The following SGCZ variants were observed in gnomAD, a reference collection of about 807,000 sequenced individuals.
SGCZ encodes zeta-sarcoglycan.
SGCZ carries 40 observed loss-of-function variants against 41.3 expected under a neutral mutation model. That is an observed-to-expected ratio of 0.97 (90% CI 0.75 to 1.26). SGCZ has a LOEUF of 1.26. Ranked by LOEUF, SGCZ falls within the 50% of genes most tolerant of loss-of-function variation. The pLI, the probability that SGCZ is intolerant of heterozygous loss-of-function variation, is 0.00. For missense variants in SGCZ, 552 were observed against 369.8 expected, an observed-to-expected ratio of 1.49 and a Z score of -4.04; for synonymous variants, 206 against 137.5, an observed-to-expected ratio of 1.50 and a Z score of -3.49.
chr8:14,949,568 T>A (rs925652824), intron 1 of SGCZ, among the ~76,000 whole-genome samples: 1 of 152,084 alleles, frequency 6.6e-6, no homozygotes, highest in Admixed American at 6.6e-5. Flanking sequence ...GATCATTAAA[T>A]CTTGGCATGA....
At chr8:14,101,159 A>AT (rs1360330482) in intron 7 of SGCZ, among the ~76,000 whole-genome samples, 3 of 152,168 alleles carry the variant, frequency 2.0e-5, no homozygotes, top group Non-Finnish European at 2.9e-5. Context: ...CATTAAAAAC[A>AT]TAATCACTAA....
chr8:15,027,794 TA>T (rs1261966941), intron 1 of SGCZ, among the ~76,000 whole-genome samples: 2 of 152,026 alleles, frequency 1.3e-5, no homozygotes, highest in African/African-American at 4.8e-5. Flanking sequence ...GGGAGAGGGA[TA>T]AAAAAGTACT....
At chr8:14,687,458 C>T (rs1808650748) in intron 1 of SGCZ, among the ~76,000 whole-genome samples, 1 of 150,850 alleles carries the variant, frequency 6.6e-6, no homozygotes, top group Non-Finnish European at 1.5e-5. Context: ...GGTTTTTTGT[C>T]CTTGCGAAAG....
At chr8:14,700,970 A>T (rs1403351752) in intron 1 of SGCZ, among the ~76,000 whole-genome samples, 1 of 151,998 alleles carries the variant, frequency 6.6e-6, no homozygotes, top group African/African-American at 2.4e-5. Context: ...GGCTCACATA[A>T]TTATGAAGTT....
At chr8:14,537,036 A>G (rs1430588636) in intron 2 of SGCZ, among the ~76,000 whole-genome samples, 2 of 151,944 alleles carry the variant, frequency 1.3e-5, no homozygotes, top group Non-Finnish European at 2.9e-5. Context: ...AACACAAGCC[A>G]GGCAATGCAA....
At chr8:14,299,481 C>T (rs555665204) in intron 3 of SGCZ, among the ~76,000 whole-genome samples, 1 of 151,722 alleles carries the variant, frequency 6.6e-6, no homozygotes, top group Non-Finnish European at 1.5e-5. Flanking sequence ...ACACAAAATC[C>T]AATAATAATG....
At chr8:14,719,319 T>A (rs1407457936) in intron 1 of SGCZ, among the ~76,000 whole-genome samples, 2 of 150,076 alleles carry the variant, frequency 1.3e-5, no homozygotes, top group Non-Finnish European at 3.0e-5. Context: ...AACATACGTG[T>A]GCATGTGTCT....
intron 2 of SGCZ, among the ~76,000 whole-genome samples, chr8:14,379,336 A>C (rs1018759273): frequency 2.0e-5 from 3 of 152,198 alleles, no homozygotes; most frequent in African/African-American, 7.2e-5. Context: ...TTCACAAATA[A>C]TAAGTAGATA....
At chr8:14,405,468 C>T (rs1049332229) in intron 2 of SGCZ, among the ~76,000 whole-genome samples, 22 of 152,108 alleles carry the variant, frequency 1.4e-4, no homozygotes, top group African/African-American at 4.6e-4. Flanking sequence ...TCAATGTGCA[C>T]ATCATCGGTT....
chr8:14,429,179 A>G (rs1459435828), intron 2 of SGCZ, among the ~76,000 whole-genome samples: 2 of 152,180 alleles, frequency 1.3e-5, no homozygotes, highest in African/African-American at 4.8e-5. Context: ...ACATAAACAT[A>G]ACAAATAATA....
intron 4 of SGCZ, among the ~76,000 whole-genome samples, chr8:14,210,260 T>C (rs1805759599): frequency 6.6e-6 from 1 of 152,084 alleles, no homozygotes; most frequent in Non-Finnish European, 1.5e-5. Context: ...GGTTTTACAA[T>C]GTTGGCCAGG....
intron 2 of SGCZ, among the ~76,000 whole-genome samples, chr8:14,333,186 T>A (rs550414865): frequency 9.2e-5 from 14 of 152,238 alleles, no homozygotes; most frequent in Non-Finnish European, 1.5e-4. Context: ...GAAGTTAAGG[T>A]TACCTGCTGG....
intron 1 of SGCZ, among the ~76,000 whole-genome samples, chr8:15,222,555 TTGTC>T (rs1801639784): frequency 6.6e-6 from 1 of 152,206 alleles, no homozygotes; most frequent in Non-Finnish European, 1.5e-5. Flanking sequence ...TTACCAGTAG[TTGTC>T]TATCAGAGAA....
chr8:14,312,257 A>C (rs373580833), intron 3 of SGCZ, among the ~76,000 whole-genome samples: 1 of 152,188 alleles, frequency 6.6e-6, no homozygotes, highest in Non-Finnish European at 1.5e-5. Context: ...AAAAAGATTG[A>C]AAAACACTAA....
At chr8:14,914,860 T>C (rs1045227701) in intron 1 of SGCZ, among the ~76,000 whole-genome samples, 2 of 152,146 alleles carry the variant, frequency 1.3e-5, no homozygotes, top group Non-Finnish European at 2.9e-5. Context: ...GGCCTCACGA[T>C]GTAGAAGAGT....
chr8:14,256,196 C>T (rs1799459913), intron 3 of SGCZ, among the ~76,000 whole-genome samples: 1 of 152,066 alleles, frequency 6.6e-6, no homozygotes, highest in African/African-American at 2.4e-5. Flanking sequence ...TTTACCATAA[C>T]CTTGGAGCCC....
At chr8:14,784,967 A>T (rs1268365502) in intron 1 of SGCZ, among the ~76,000 whole-genome samples, 1 of 138,936 alleles carries the variant, frequency 7.2e-6, no homozygotes, top group Non-Finnish European at 1.5e-5. Context: ...ATATATATAT[A>T]ATATATATAT....
intron 3 of SGCZ, among the ~76,000 whole-genome samples, chr8:14,295,905 T>A (rs866698667): frequency 3.4e-4 from 52 of 152,052 alleles, no homozygotes; most frequent in African/African-American, 1.2e-3. Context: ...CCCTATTAGG[T>A]CTGTAGCCAA....
intron 1 of SGCZ, among the ~76,000 whole-genome samples, chr8:15,139,612 C>T (rs1808246573): frequency 6.6e-6 from 1 of 152,164 alleles, no homozygotes; most frequent in African/African-American, 2.4e-5. Context: ...TTTCACACTT[C>T]TTTTTGTGTG....
Sources: allele counts gnomAD v4.1 joint callset (sites outside exome capture counted in the v4.1 genomes callset), GRCh38; gene constraint gnomAD v4.1.1; transcripts MANE v1.5; gene names NCBI Gene and HGNC (gene_info 2026-07-23, HGNC 2026-07-21).